The following AKAP12 variants were observed in gnomAD, a reference collection of about 807,000 sequenced individuals.
The protein encoded by AKAP12 is A-kinase anchoring protein 12.
A neutral mutation model predicts 79.9 loss-of-function variants in AKAP12; 32 were observed. The observed-to-expected ratio is 0.40, with a 90% CI of 0.30 to 0.54. The LOEUF (loss-of-function observed/expected upper bound fraction) is 0.54, where lower values mean the gene tolerates loss of function less well. Among genes scored for constraint, AKAP12 ranks in the 20% least tolerant of loss-of-function variants. AKAP12 has a pLI of 0.48. For synonymous variants in AKAP12, 808 were observed against 857.0 expected (o/e 0.94, Z 1.00); for missense variants, 2,074 against 2,177.0 (o/e 0.95, Z 0.94).
Position 151,353,132 on chromosome 6 carries a change from C to G in AKAP12, c.4741C>G (p.His1581Asp). 6.2e-7 allele frequency: 1 copy of G among 1,614,138 alleles called. No individual in the cohort carries two copies. The highest frequency in any genetic ancestry group is 8.5e-7 in the Non-Finnish European group (1 of 1,180,028). The change falls in exon 4 of 5, where the codon CAC (histidine) becomes GAC (aspartate). Residue 1581 changes from histidine (H) to aspartate (D), a missense_variant. Around this residue, in one of 3 missense-constraint regions of AKAP12, gnomAD observed 614 missense variants for 665.6 expected, o/e 0.92. Coordinates refer to ENST00000402676, the MANE Select transcript of AKAP12 (RefSeq NM_005100.4). Reference sequence around the variant, plus strand: ...GACGTCTGAGTTACAGACACAAGCTCACGTGATAAAAGCTGACAGCCAGGA... The same window carrying G: ...GACGTCTGAGTTACAGACACAAGCTGACGTGATAAAAGCTGACAGCCAGGA... ...MLTSELQTQAHVIKADSQDAG... is the reference protein window; with the variant it reads ...MLTSELQTQADVIKADSQDAG...
chr6:151,321,914 T>TTTTG (rs1562738048), intron 3 of AKAP12, among the ~76,000 whole-genome samples: 5 of 146,052 alleles, frequency 3.4e-5, no homozygotes, highest in African/African-American at 1.3e-4. Context: ...TTTTTTTTTT[T>TTTTG]TTTTTTTTTT....
Position 151,350,211 on chromosome 6 carries a change from T to C in AKAP12, c.1820T>C (p.Val607Ala). Reference sequence around the variant, plus strand: ...GATGGAGAGAAAAAAAGAGAAGGTGTCACTCCCTGGGCATCATTCAAAAAG... The same window carrying C: ...GATGGAGAGAAAAAAAGAGAAGGTGCCACTCCCTGGGCATCATTCAAAAAG... ...TSDGEKKREGVTPWASFKKMV... is the reference protein window; with the variant it reads ...TSDGEKKREGATPWASFKKMV... Residue 607 changes from valine to alanine, a missense_variant, in exon 4 of 5, where the codon GTC becomes GCC. Val to Ala is a moderately conservative substitution (Grantham distance 64). This residue lies in a region of AKAP12 where 1,428 missense variants were observed against 1,451.0 expected (regional missense o/e 0.98). Transcript: ENST00000402676. The surrounding 1 kb of genome is among the most constrained non-coding windows in gnomAD (Gnocchi z 4.8). The C allele has an allele frequency of 3.7e-6, 6 of 1,613,142 alleles. No individual in the cohort carries two copies. Among genetic ancestry groups the C allele is most frequent in the Non-Finnish European group, 5.1e-6 (6 of 1,179,760 alleles).
chr6:151,242,828 CCA>C (rs527749746), intron 2 of AKAP12, among the ~76,000 whole-genome samples: 116 of 152,308 alleles, frequency 7.6e-4, no homozygotes, highest in African/African-American at 2.5e-3. Flanking sequence ...TTCATGCGTG[CCA>C]TGTTGCCTGG....
intron 2 of AKAP12, among the ~76,000 whole-genome samples, chr6:151,268,945 G>GTTTTTTTTT (rs558502756): frequency 7.8e-5 from 6 of 77,416 alleles, no homozygotes; most frequent in South Asian, 4.6e-4. Flanking sequence ...TGCTCGGCCT[G>GTTTTTTTTT]TTTTTTTTTT....
At chr6:151,325,731 GTGTC>G in intron 3 of AKAP12, 2 of 1,541,976 alleles carry the variant, frequency 1.3e-6, no homozygotes, top group African/African-American at 2.7e-5. Context: ...TCCTCCGGGA[GTGTC>G]TGGGCGCTCA....
At position 151,260,945 on chromosome 6, in the gene AKAP12, T is replaced by C. The variant is rs189376212; in HGVS notation, c.162+20221T>C. ...AGGTGGAGGTTGCAGTGAGCCGAGA[T>C]CGTGCCACTGCACCCTGGAGCCCTG... On this transcript the variant is annotated intron_variant, in intron 2 of 4. Transcript: ENST00000402676. 1.3e-3 allele frequency among the ~76,000 whole-genome samples: 201 copies of C among 152,218 alleles called. 1 individual carries two copies. The highest frequency in any genetic ancestry group is 3.9e-4 in the East Asian group (2 of 5,170).
chr6:151,358,129 T>C lies in AKAP12; in HGVS notation c.*2415T>C, dbSNP rs981356361. 1.3e-5 allele frequency: 2 copies of C among 152,224 alleles called. No individual in the cohort carries two copies. Among genetic ancestry groups the C allele is most frequent in the Admixed American group, 6.5e-5 (1 of 15,284 alleles). The allele number at this position is 152,224 out of a possible 1,614,324, so 9.4% of individuals were successfully genotyped here. ...AGTAGCATGAAATATAATACTGTTT[T>C]ATAATTCTAAAGCTGCTGTTAATTT... is the stretch of plus-strand genomic sequence containing the variant. On this transcript the variant is annotated 3_prime_UTR_variant, in exon 5 of 5. Transcript: ENST00000402676.
At chr6:151,321,903 G>GTTGTTTTTTTTTT (rs1554329714) in intron 3 of AKAP12, among the ~76,000 whole-genome samples, 6 of 67,328 alleles carry the variant, frequency 8.9e-5, no homozygotes, top group African/African-American at 3.1e-4. Context: ...TCAGCTTTAT[G>GTTGTTTTTTTTTT]TTTTTTTTTT....
rs1165422136 is a variant in AKAP12, at chr6:151,351,473, G to A, written c.3082G>A (p.Gly1028Ser). Reference protein sequence around the residue: ...EATPVQEVEGGVPDIEEQERR... With the variant: ...EATPVQEVEGSVPDIEEQERR... Reference sequence around the variant, plus strand: ...CACTCCGGTGCAGGAGGTGGAAGGTGGCGTACCTGACATAGAAGAGCAAGA... The same window carrying A: ...CACTCCGGTGCAGGAGGTGGAAGGTAGCGTACCTGACATAGAAGAGCAAGA... The change falls in exon 4 of 5, where the codon GGC (glycine) becomes AGC (serine). Residue 1028 changes from glycine (G) to serine (S), a missense_variant. Physicochemically the swap from Gly to Ser is moderately conservative, Grantham distance 56. Transcript: ENST00000402676. The surrounding 1 kb of genome is among the most constrained non-coding windows in gnomAD (Gnocchi z 4.4). 2 of 1,614,178 alleles carry A rather than the reference G, an allele frequency of 1.2e-6. No individual in the cohort carries two copies. Among genetic ancestry groups the A allele is most frequent in the Non-Finnish European group, 1.7e-6 (2 of 1,180,040 alleles).
intron 2 of AKAP12, among the ~76,000 whole-genome samples, chr6:151,255,409 C>T (rs898850776): frequency 6.6e-6 from 1 of 152,080 alleles, no homozygotes; most frequent in African/African-American, 2.4e-5. Flanking sequence ...GATCCACCTG[C>T]CTCGGCTTCC....
chr6:151,268,675 C>G (rs1167079788), intron 2 of AKAP12, among the ~76,000 whole-genome samples: 1 of 152,138 alleles, frequency 6.6e-6, no homozygotes, highest in Non-Finnish European at 1.5e-5. Flanking sequence ...CAGATTCTCA[C>G]TGTGTCACCC....
chr6:151,338,444 T>G (rs1460149324), intron 3 of AKAP12, among the ~76,000 whole-genome samples: 1 of 145,052 alleles, frequency 6.9e-6, no homozygotes. Flanking sequence ...TCAATTTAGG[T>G]TAGGTTACTC....
chr6:151,293,970 GTTC>G (rs1188631908), intron 2 of AKAP12, among the ~76,000 whole-genome samples: 107 of 149,638 alleles, frequency 7.2e-4, no homozygotes, highest in African/African-American at 2.1e-3. Context: ...CAACCTTGGA[GTTC>G]TTCTTCTTTT....
chr6:151,276,061 AGTT>A (rs1776286510), intron 2 of AKAP12, among the ~76,000 whole-genome samples: 1 of 152,248 alleles, frequency 6.6e-6, no homozygotes, highest in Non-Finnish European at 1.5e-5. Flanking sequence ...TTGGTCTAAC[AGTT>A]GTTGGTTAAC....
chr6:151,279,042 T>C (rs577095970), intron 2 of AKAP12, among the ~76,000 whole-genome samples: 2 of 152,218 alleles, frequency 1.3e-5, no homozygotes, highest in African/African-American at 4.8e-5. Flanking sequence ...TTCATTTCTG[T>C]TTTCTAAAAT....
chr6:151,338,913 A>C (rs1162417447), intron 3 of AKAP12, among the ~76,000 whole-genome samples: 1 of 152,204 alleles, frequency 6.6e-6, no homozygotes, highest in African/African-American at 2.4e-5. Context: ...AACAATAAGC[A>C]TGTAAATATC....
chr6:151,257,328 G>T (rs1484037252), intron 2 of AKAP12, among the ~76,000 whole-genome samples: 1 of 151,736 alleles, frequency 6.6e-6, no homozygotes, highest in Non-Finnish European at 1.5e-5. Flanking sequence ...AGACAGTCTT[G>T]CTCTGTCGCC....
chr6:151,293,419 C>G (rs867305504), intron 2 of AKAP12, among the ~76,000 whole-genome samples: 21 of 152,336 alleles, frequency 1.4e-4, no homozygotes, highest in Middle Eastern at 3.4e-3. Flanking sequence ...ATTATTCTAA[C>G]TCTTCACAAT....
intron 2 of AKAP12, among the ~76,000 whole-genome samples, chr6:151,283,439 G>A (rs1476847855): frequency 3.3e-5 from 5 of 152,190 alleles, no homozygotes; most frequent in Non-Finnish European, 7.3e-5. Flanking sequence ...ATCAAGTAAA[G>A]ACATGGTCTC....
Sources: allele counts gnomAD v4.1 joint callset (sites outside exome capture counted in the v4.1 genomes callset), GRCh38; gene constraint gnomAD v4.1.1; regional missense constraint gnomAD v4.1.1; non-coding constraint Gnocchi (gnomAD v3.1); transcripts MANE v1.5; gene names NCBI Gene and HGNC (gene_info 2026-07-23, HGNC 2026-07-21).